MBOAT2: variants seen among roughly 807,000 people sequenced by gnomAD.
MBOAT2 encodes membrane bound glycerophospholipid O-acyltransferase 2.
In MBOAT2, 28 loss-of-function variants were observed where a neutral mutation model predicts 63.4. The ratio of observed to expected loss-of-function variants is 0.44; its 90% CI spans 0.33 to 0.61. The LOEUF is 0.61. MBOAT2 is among the 20% of genes least tolerant of loss of function. The pLI, the probability that MBOAT2 is intolerant of heterozygous loss-of-function variation, is 0.03. For missense variants in MBOAT2, 470 were observed against 605.8 expected, an observed-to-expected ratio of 0.78 and a Z score of 2.35; for synonymous variants, 211 against 215.6, an observed-to-expected ratio of 0.98 and a Z score of 0.19.
chr2:8,962,587 A>G (rs1669691879), intron 1 of MBOAT2, among the ~76,000 whole-genome samples: 1 of 152,212 alleles, frequency 6.6e-6, no homozygotes, highest in South Asian at 2.1e-4. Context: ...ATGAGTGGGC[A>G]AGTAGCAAGA....
chr2:8,997,552 C>T (rs1672393152), intron 1 of MBOAT2, among the ~76,000 whole-genome samples: 1 of 152,138 alleles, frequency 6.6e-6, no homozygotes, highest in African/African-American at 2.4e-5. Flanking sequence ...AAATGAAATA[C>T]ATATGAACAG....
At chr2:8,983,391 C>T (rs1035135535) in intron 1 of MBOAT2, among the ~76,000 whole-genome samples, 2 of 152,030 alleles carry the variant, frequency 1.3e-5, no homozygotes, top group African/African-American at 4.8e-5. Flanking sequence ...TAACTGTTAA[C>T]GAAACACTTT....
At chr2:8,933,480 AC>A (rs1667458688) in intron 3 of MBOAT2, among the ~76,000 whole-genome samples, 1 of 152,064 alleles carries the variant, frequency 6.6e-6, no homozygotes, top group East Asian at 1.9e-4. Context: ...AGTAGCTGTG[AC>A]TACAGGTATA....
chr2:8,909,380 T>G lies in MBOAT2; in HGVS notation c.300-664A>C, dbSNP rs546226377. Among the ~76,000 whole-genome samples, 12 of 152,298 alleles carry G rather than the reference T, an allele frequency of 7.9e-5. No individual in the cohort carries two copies. The East Asian group carries it at 2.3e-3, about 29-fold the overall frequency. ...AATGGATGAGTTGTCATCTAATTGG[T>G]TCACAGTCTGGGTGGGGAAAAGCAA... On this transcript the variant is annotated intron_variant, in intron 3 of 12. Transcript: ENST00000305997.
intron 1 of MBOAT2, among the ~76,000 whole-genome samples, chr2:8,998,774 A>T (rs975112485): frequency 6.6e-6 from 1 of 152,118 alleles, no homozygotes; most frequent in Admixed American, 6.6e-5. Context: ...AGGGACCTTC[A>T]GTTGCTCTCC....
intron 2 of MBOAT2, among the ~76,000 whole-genome samples, chr2:8,952,954 T>A (rs1027698821): frequency 6.6e-6 from 1 of 152,210 alleles, no homozygotes; most frequent in East Asian, 1.9e-4. Context: ...AAGTGGAGCA[T>A]GTAGGTCATT....
chr2:8,898,412 C>G (rs1008015546), intron 4 of MBOAT2, among the ~76,000 whole-genome samples: 2 of 152,228 alleles, frequency 1.3e-5, no homozygotes, highest in Non-Finnish European at 2.9e-5. Flanking sequence ...TAAGCCAGTA[C>G]AGCCTGTATT....
At chr2:8,864,837 T>A (rs1661752393) in intron 9 of MBOAT2, among the ~76,000 whole-genome samples, 1 of 152,192 alleles carries the variant, frequency 6.6e-6, no homozygotes. Flanking sequence ...TCCCACCCTG[T>A]CTACTTTTAT....
intron 1 of MBOAT2, among the ~76,000 whole-genome samples, chr2:8,965,944 C>G (rs1669948578): frequency 6.6e-6 from 1 of 152,096 alleles, no homozygotes; most frequent in African/African-American, 2.4e-5. Context: ...TTCAACAAAT[C>G]AATAAAAACA....
chr2:8,946,932 T>C lies in MBOAT2; in HGVS notation c.222-3668A>G, dbSNP rs543967650. On this transcript the variant is annotated intron_variant, in intron 2 of 12. Coordinates refer to ENST00000305997, the MANE Select transcript of MBOAT2 (RefSeq NM_138799.4). ...AGTGTTCAAGTGAAAGGAAAAGTTG[T>C]ATGTCTCTCACGTTAAATCAAAAAC... Among the ~76,000 whole-genome samples, 5 of 152,352 alleles carry C rather than the reference T, an allele frequency of 3.3e-5. No homozygotes were observed. The South Asian group carries it at 1.0e-3, about 32-fold the overall frequency.
chr2:8,912,357 GAA>G (rs1558606691), intron 3 of MBOAT2, among the ~76,000 whole-genome samples: 71 of 104,190 alleles, frequency 6.8e-4, no homozygotes, highest in East Asian at 2.0e-3. Flanking sequence ...GAAAGAGAAA[GAA>G]AGAAAGAAAG....
chr2:8,938,899 GC>G (rs1175409768), intron 3 of MBOAT2, among the ~76,000 whole-genome samples: 1 of 152,102 alleles, frequency 6.6e-6, no homozygotes, highest in Non-Finnish European at 1.5e-5. Flanking sequence ...CACATACCAT[GC>G]CCCCCAGGAA....
rs752456279 is a variant in MBOAT2 at position 8,873,243 on chromosome 2, T to C, written c.748A>G (p.Ile250Val). Residue 250 changes from isoleucine to valine, a missense_variant, in exon 8 of 13, where the codon ATC (isoleucine) becomes GTC (valine). This residue lies in a region of MBOAT2 where 376 missense variants were observed against 503.8 expected (regional missense o/e 0.75). Coordinates refer to ENST00000305997, the MANE Select transcript of MBOAT2 (RefSeq NM_138799.4). ...CGLSLLFHLT[I>V]CTTLPVEYNI... is the part of the protein sequence containing the mutation. Reference sequence around the variant, plus strand: ...TACTCCACAGGTAATGTTGTACAGATGGTCAAGTGAAATAACAAGGACAGC... The same window carrying C: ...TACTCCACAGGTAATGTTGTACAGACGGTCAAGTGAAATAACAAGGACAGC... 26 of 1,614,090 alleles carry C rather than the reference T, an allele frequency of 1.6e-5. No individual in the cohort carries two copies. The South Asian group carries it at 2.7e-4, about 17-fold the overall frequency.
In MBOAT2 at chr2:8,877,017, C is replaced by T. The variant is rs974540589; in HGVS notation, c.690+13G>A. Reference sequence around the variant, plus strand: ...CATGCTGTAAAGGCTCCAGATAAATCTCATGACCTTACATTTGGAGATGGC... The same window carrying T: ...CATGCTGTAAAGGCTCCAGATAAATTTCATGACCTTACATTTGGAGATGGC... On this transcript the variant is annotated intron_variant, in intron 7 of 12. Transcript: ENST00000305997. The T allele has an allele frequency of 1.9e-6, 3 of 1,598,508 alleles. No homozygotes were observed. The highest frequency in any genetic ancestry group is 2.7e-5 in the African/African-American group (2 of 74,220).
At chr2:8,977,040 A>T (rs1670865947) in intron 1 of MBOAT2, among the ~76,000 whole-genome samples, 2 of 152,122 alleles carry the variant, frequency 1.3e-5, no homozygotes, top group East Asian at 3.9e-4. Context: ...GATGGAGGCC[A>T]GGGAGAGGCA....
At chr2:8,917,043 C>G (rs890122669) in intron 3 of MBOAT2, among the ~76,000 whole-genome samples, 2 of 152,070 alleles carry the variant, frequency 1.3e-5, no homozygotes, top group Non-Finnish European at 2.9e-5. Flanking sequence ...AAAGTATTTG[C>G]AACAAATAGT....
At position 8,958,411 on chromosome 2, in the gene MBOAT2, C is replaced by T. The variant is rs571572301; in HGVS notation, c.221+86G>A. 3.9e-6 allele frequency: 5 copies of T among 1,281,184 alleles called. No homozygotes were observed. The East Asian group carries it at 1.3e-4, about 33-fold the overall frequency. The allele number at this position is 1,281,184 out of a possible 1,614,324, so 79.4% of individuals were successfully genotyped here. ...TTTTTAAGTAAATATAAGAACAAAA[C>T]CCTACATAATGTATCTTTCCACACA... On this transcript the variant is annotated intron_variant, in intron 2 of 12. Coordinates refer to ENST00000305997, the MANE Select transcript of MBOAT2 (RefSeq NM_138799.4).
chr2:8,869,385 A>G (rs1018316915), intron 8 of MBOAT2, among the ~76,000 whole-genome samples: 2 of 152,126 alleles, frequency 1.3e-5, no homozygotes. Context: ...ACAATGCTCA[A>G]TTAGTTATTT....
chr2:8,912,020 G>T (rs187439749), intron 3 of MBOAT2, among the ~76,000 whole-genome samples: 2 of 151,834 alleles, frequency 1.3e-5, no homozygotes, highest in Admixed American at 6.6e-5. Context: ...GCAGAAAAAC[G>T]ATTTGACAAA....
Sources: allele counts gnomAD v4.1 joint callset (sites outside exome capture counted in the v4.1 genomes callset), GRCh38; gene constraint gnomAD v4.1.1; regional missense constraint gnomAD v4.1.1; transcripts MANE v1.5; gene names NCBI Gene and HGNC (gene_info 2026-07-23, HGNC 2026-07-21).